The following RPL12 variants were observed in gnomAD, a reference collection of about 807,000 sequenced individuals.
The protein encoded by RPL12 is ribosomal protein L12.
RPL12 carries 10 observed loss-of-function variants against 24.5 expected under a neutral mutation model. The ratio of observed to expected loss-of-function variants is 0.41; its 90% CI spans 0.25 to 0.69. RPL12 has a LOEUF of 0.69. Among genes scored for constraint, RPL12 ranks in the 30% least tolerant of loss-of-function variants. The pLI is 0.33. For missense variants in RPL12, 137 were observed against 205.3 expected, an observed-to-expected ratio of 0.67 and a Z score of 2.03; for synonymous variants, 74 against 76.1, an observed-to-expected ratio of 0.97 and a Z score of 0.14.
chr9:127,448,538 G>C (rs1174991463), intron 4 of RPL12, 115 bp from the exon 5 acceptor site: 1 of 797,192 alleles, frequency 1.3e-6, no homozygotes, highest in South Asian at 1.3e-5. Flanking sequence ...TCATCCACAT[G>C]AAGAACAACC....
At chr9:127,450,689 A>T in intron 2 of RPL12, 42 bp downstream of exon 2, 2 of 1,459,464 alleles carry the variant, frequency 1.4e-6, no homozygotes, top group Non-Finnish European at 1.9e-6. Context: ...GCTTAAAGTG[A>T]AACAAATGTG....
chr9:127,449,879 G>C (rs796207918), intron 2 of RPL12, 171 bp from the exon 3 acceptor site: 3 of 619,610 alleles, frequency 4.8e-6, no homozygotes, highest in South Asian at 3.7e-5. Flanking sequence ...TGGGGTTCTT[G>C]TCCAGAACTG....
intron 4 of RPL12, 113 bp from the exon 5 acceptor site, chr9:127,448,536 A>G (rs1469343970): frequency 1.2e-6 from 1 of 800,390 alleles, no homozygotes; most frequent in Non-Finnish European, 2.2e-6. Context: ...AGTCATCCAC[A>G]TGAAGAACAA....
In RPL12 at chr9:127,449,618, G is replaced by T; in HGVS notation, c.202C>A (p.Gln68Lys). Residue 68 changes from glutamine (Q) to lysine (K), a missense_variant, in exon 3 of 7, where the codon CAG (glutamine) becomes AAG (lysine). Around this residue, in one of 3 missense-constraint regions of RPL12, gnomAD observed 118 missense variants for 160.7 expected, o/e 0.73. Coordinates refer to ENST00000361436, the MANE Select transcript of RPL12 (RefSeq NM_000976.4). ...ITVKLTIQNR[Q>K]AQIEVVPSAS... Reference sequence around the variant, plus strand: ...CAAGCACAAGCAAATACCTGGGCCTGTCTGTTCTGAATGGTCAGTTTCACT... The same window carrying T: ...CAAGCACAAGCAAATACCTGGGCCTTTCTGTTCTGAATGGTCAGTTTCACT... The T allele has an allele frequency of 6.2e-7, 1 of 1,613,960 alleles. No homozygotes were observed. Among genetic ancestry groups the T allele is most frequent in the Non-Finnish European group, 8.5e-7 (1 of 1,179,838 alleles).
At chr9:127,449,842 G>A in intron 2 of RPL12, 134 bp from the exon 3 acceptor site, 4 of 682,568 alleles carry the variant, frequency 5.9e-6, no homozygotes, top group South Asian at 1.7e-5. Flanking sequence ...TCAGAGCACA[G>A]CTATCACCAT....
chr9:127,451,363 A>C lies in RPL12; in HGVS notation c.-46T>G, dbSNP rs756820785. 8.5e-5 allele frequency: 137 copies of C among 1,610,114 alleles called. 1 individual carries two copies. Among genetic ancestry groups the C allele is most frequent in the Non-Finnish European group, 1.2e-4 (136 of 1,179,420 alleles). ...GATGAACCCGGATTCGGGACGACCGAAGGAAGTTGCACCTTGGCCTCCTCC... is the reference window on the plus strand; with the variant it reads ...GATGAACCCGGATTCGGGACGACCGCAGGAAGTTGCACCTTGGCCTCCTCC... On this transcript the variant is annotated 5_prime_UTR_variant, in exon 1 of 7. Coordinates refer to ENST00000361436, the MANE Select transcript of RPL12 (RefSeq NM_000976.4).
rs1294694364 is a variant in RPL12 at position 127,449,747 on chromosome 9, G to A, written c.112-39C>T. Reference sequence around the variant, plus strand: ...CATGTAATCAACATGGTGTCCAGAGGTGAACCACAGCCTTGAAACCTGCCC... The same window carrying A: ...CATGTAATCAACATGGTGTCCAGAGATGAACCACAGCCTTGAAACCTGCCC... On this transcript the variant is annotated intron_variant, in intron 2 of 6. Transcript: ENST00000361436. 2.6e-6 allele frequency: 4 copies of A among 1,526,244 alleles called. No homozygotes were observed. The South Asian group carries it at 3.4e-5, about 13-fold the overall frequency. 94.5% of individuals were successfully genotyped at this position (1,526,244 alleles called of 1,614,324 possible).
In RPL12 at chr9:127,448,339, G is replaced by C. The variant is rs555470116; in HGVS notation, c.377C>G (p.Ser126Cys). ...GTTACATGTTGTCCTGCTCTTACCA[G>C]AGAGTTCTCTGGCTAAGGATCGGTG... ...MRHRSLARELSGTIKEILGTA... is the reference protein window; with the variant it reads ...MRHRSLARELCGTIKEILGTA... The change falls in exon 5 of 7, where the codon TCT becomes TGT. Residue 126 changes from serine to cysteine, a missense_variant and splice_region_variant. By Grantham distance (112) the Ser-to-Cys change is moderately radical. Coordinates refer to ENST00000361436, the MANE Select transcript of RPL12 (RefSeq NM_000976.4). The C allele has an allele frequency of 5.0e-6, 8 of 1,610,244 alleles. No individual in the cohort carries two copies. The highest frequency in any genetic ancestry group is 1.3e-5 in the African/African-American group (1 of 74,920).
Position 127,448,327 on chromosome 9 carries a change from C to G in RPL12, c.379+10G>C. The G allele has an allele frequency of 1.9e-6, 3 of 1,600,262 alleles. No homozygotes were observed. The highest frequency in any genetic ancestry group is 1.7e-6 in the Non-Finnish European group (2 of 1,167,388). On this transcript the variant is annotated intron_variant, in intron 5 of 6. Transcript: ENST00000361436. ...ACAGTTATGGCGGTTACATGTTGTC[C>G]TGCTCTTACCAGAGAGTTCTCTGGC... is the stretch of plus-strand genomic sequence containing the variant.
chr9:127,451,353 G>T lies in RPL12; in HGVS notation c.-36C>A. ...GCTGGTGTCGGATGAACCCGGATTC[G>T]GGACGACCGAAGGAAGTTGCACCTT... On this transcript the variant is annotated 5_prime_UTR_variant, in exon 1 of 7. Transcript: ENST00000361436. 3.7e-6 allele frequency: 6 copies of T among 1,610,950 alleles called. No homozygotes were observed. The highest frequency in any genetic ancestry group is 4.2e-6 in the Non-Finnish European group (5 of 1,179,708).
In RPL12 at chr9:127,449,308, G is replaced by A; in HGVS notation, c.265C>T (p.Pro89Ser). 1 of 1,612,480 alleles carries A rather than the reference G, an allele frequency of 6.2e-7. No homozygotes were observed. The highest frequency in any genetic ancestry group is 8.5e-7 in the Non-Finnish European group (1 of 1,179,978). Residue 89 changes from proline to serine, a missense_variant, in exon 4 of 7, where the codon CCA becomes TCA. By Grantham distance (74) the Pro-to-Ser change is moderately conservative. Coordinates refer to ENST00000361436, the MANE Select transcript of RPL12 (RefSeq NM_000976.4). The stretch of plus-strand genomic sequence containing the variant: ...TTTTTCTGTTTCTTTCTGTCTCTTG[G>A]TGGTTCCTTGAGGGCTTTGATGATC... ...ALIIKALKEP[P>S]RDRKKQKNIK...
Position 127,448,367 on chromosome 9 carries a change from G to A in RPL12, c.349C>T (p.Arg117Trp), listed in dbSNP as rs184123213. ...DEIVNIARQM[R>W]HRSLARELSG... ...AGTTCTCTGGCTAAGGATCGGTGCC[G>A]CATCTGTCGAGCAATGTTGACAATC... is the stretch of plus-strand genomic sequence containing the variant. The change falls in exon 5 of 7, where the codon CGG (arginine) becomes TGG (tryptophan). Residue 117 changes from arginine (R) to tryptophan (W), a missense_variant. Around this residue, in one of 3 missense-constraint regions of RPL12, gnomAD observed 118 missense variants for 160.7 expected, o/e 0.73. Transcript: ENST00000361436. 63 of 1,613,618 alleles carry A rather than the reference G, an allele frequency of 3.9e-5. No individual in the cohort carries two copies. The South Asian group carries it at 4.6e-4, about 12-fold the overall frequency.
intron 4 of RPL12, chr9:127,448,738 C>G: frequency 2.0e-6 from 1 of 507,844 alleles, no homozygotes; most frequent in East Asian, 4.3e-5. Context: ...TACCTGCCAC[C>G]TGTATGTGGT....
At chr9:127,449,588 G>C (rs373798552) in intron 3 of RPL12, 22 bp downstream of exon 3, 4 of 1,599,552 alleles carry the variant, frequency 2.5e-6, no homozygotes, top group Non-Finnish European at 3.4e-6. Context: ...CTCCTCTCCC[G>C]AAACCAAGCA....
chr9:127,449,158 C>T, intron 4 of RPL12, 123 bp downstream of exon 4: 1 of 749,058 alleles, frequency 1.3e-6, no homozygotes, highest in East Asian at 2.7e-5. Context: ...TCTAGCAGCC[C>T]TAACCATATC....
In RPL12 at chr9:127,447,982, A is replaced by G. The variant is rs111512199; in HGVS notation, c.387T>C (p.Ile129=). The G allele has an allele frequency of 5.1e-5, 82 of 1,606,550 alleles. No individual in the cohort carries two copies. The highest frequency in any genetic ancestry group is 6.8e-5 in the Non-Finnish European group (80 of 1,177,550). The change falls in exon 6 of 7, where the codon ATT becomes ATC. Residue 129 remains isoleucine (I), a synonymous_variant. Transcript: ENST00000361436. ...ACTGGGCAGTCCCCAGGATCTCTTT[A>G]ATGGTTCCTTTAAGTAAAGAAATGG... ...RSLARELSGT[I]KEILGTAQSV...
rs935314407 is a variant in RPL12 at position 127,450,538 on chromosome 9, C to T, written c.111+193G>A. On this transcript the variant is annotated intron_variant, in intron 2 of 6. Transcript: ENST00000361436. Reference sequence around the variant, plus strand: ...CAGTGGAGACACATGGAGCTAATTACAATTTAAAGGCACCAGGTTCGATTT... The same window carrying T: ...CAGTGGAGACACATGGAGCTAATTATAATTTAAAGGCACCAGGTTCGATTT... The T allele has an allele frequency of 6.6e-5, 36 of 544,248 alleles. No individual in the cohort carries two copies. In the African/African-American group the frequency reaches 6.8e-4, roughly 10 times the overall value. 33.7% of individuals were successfully genotyped at this position (544,248 alleles called of 1,614,324 possible).
intron 2 of RPL12, 42 bp downstream of exon 2, chr9:127,450,689 A>C: frequency 6.9e-7 from 1 of 1,459,464 alleles, no homozygotes; most frequent in Non-Finnish European, 9.3e-7. Context: ...GCTTAAAGTG[A>C]AACAAATGTG....
chr9:127,448,108 C>A, intron 5 of RPL12, 119 bp from the exon 6 acceptor site: 1 of 1,256,548 alleles, frequency 8.0e-7, no homozygotes, highest in East Asian at 2.4e-5. Context: ...TTCCTGCTCC[C>A]CTAATATAGA....
Sources: gnomAD v4.1 joint callset for allele counts on GRCh38, gnomAD v4.1.1 for gene constraint, gnomAD v4.1.1 regional missense constraint, MANE v1.5 for transcripts, NCBI Gene and HGNC (gene_info 2026-07-23, HGNC 2026-07-21) for gene names.